PVT1: variants seen among roughly 807,000 people sequenced by gnomAD.
The protein encoded by PVT1 is Pvt1 oncogene, also known as CXCR4/PVT1 fusion.
rs1817286904 is a variant in PVT1 at position 128,009,337 on chromosome 8, CA to C, written n.912+20052del. Among the ~76,000 whole-genome samples the C allele has an allele frequency of 2.6e-5, 4 of 152,178 alleles. No individual in the cohort carries two copies. In the South Asian group the frequency reaches 8.3e-4, roughly 32 times the overall value. ...TATCTCTTGTTTAAAATATTTGCTACAAAAAAGTCCTATTCTATATGTCCTG... is the reference window on the plus strand; with the variant it reads ...TATCTCTTGTTTAAAATATTTGCTACAAAAAGTCCTATTCTATATGTCCTG... On this transcript the variant is annotated intron_variant and non_coding_transcript_variant, in intron 4 of 10. Coordinates refer to ENST00000651587, the Ensembl canonical transcript of PVT1.
chr8:128,020,451 G>A (rs1167603359), intron 4 of PVT1, among the ~76,000 whole-genome samples: 1 of 152,192 alleles, frequency 6.6e-6, no homozygotes, highest in Admixed American at 6.5e-5. Flanking sequence ...TGCCACTGCT[G>A]GCTCTGAAAT....
intron 4 of PVT1, among the ~76,000 whole-genome samples, chr8:127,997,216 T>G (rs1817117472): frequency 6.6e-6 from 1 of 152,024 alleles, no homozygotes; most frequent in Admixed American, 6.6e-5. Context: ...TAATTTTGTA[T>G]TTTTAGTAGT....
intron 4 of PVT1, among the ~76,000 whole-genome samples, chr8:128,016,036 G>C (rs1364587409): frequency 6.6e-6 from 1 of 152,152 alleles, no homozygotes; most frequent in East Asian, 1.9e-4. Flanking sequence ...GATGGTCTTT[G>C]GGAAGCCAAG....
chr8:127,854,909 G>A (rs1815145498), intron 2 of PVT1: 1 of 360,582 alleles, frequency 2.8e-6, no homozygotes, highest in Non-Finnish European at 4.9e-6. Context: ...CTGAGGTTGT[G>A]AATTCTTGTC....
chr8:128,083,511 G>A (rs981144923), intron 5 of PVT1, among the ~76,000 whole-genome samples: 9 of 152,186 alleles, frequency 5.9e-5, no homozygotes, highest in African/African-American at 1.7e-4. Flanking sequence ...CTTAGAGAAC[G>A]TTGGCTTGCA....
At chr8:127,821,592 C>G (rs1410744013) in intron 2 of PVT1, among the ~76,000 whole-genome samples, 1 of 151,866 alleles carries the variant, frequency 6.6e-6, no homozygotes, top group African/African-American at 2.4e-5. Context: ...GGGCTGATCA[C>G]GAGGTCAGAA....
intron 2 of PVT1, among the ~76,000 whole-genome samples, chr8:127,821,172 C>T (rs909974307): frequency 2.0e-5 from 3 of 152,118 alleles, no homozygotes; most frequent in Non-Finnish European, 4.4e-5. Flanking sequence ...AGATCAAGCC[C>T]GTCCGCATTT....
chr8:127,935,443 G>A (rs13269522), intron 3 of PVT1, among the ~76,000 whole-genome samples: 43,786 of 152,014 alleles, frequency 0.29, 6,941 homozygotes, highest in East Asian at 0.5. Context: ...GTGTGTGTGT[G>A]TGTGTCTTTT....
At chr8:128,094,847 C>A (rs539774768) in intron 5 of PVT1, among the ~76,000 whole-genome samples, 3 of 152,334 alleles carry the variant, frequency 2.0e-5, no homozygotes, top group Non-Finnish European at 4.4e-5. Flanking sequence ...TTTGTCATCT[C>A]CACCTTCCTG....
chr8:128,040,794 TTGAG>T (rs1328167505), intron 4 of PVT1, among the ~76,000 whole-genome samples: 1 of 151,578 alleles, frequency 6.6e-6, no homozygotes, highest in Admixed American at 6.6e-5. Flanking sequence ...GTGCTTGTGT[TTGAG>T]TGCTTCTGTG....
At chr8:127,876,297 C>T (rs185269755) in intron 2 of PVT1, among the ~76,000 whole-genome samples, 6 of 152,046 alleles carry the variant, frequency 3.9e-5, no homozygotes, top group Admixed American at 3.3e-4. Flanking sequence ...TGTGGTTTCA[C>T]ACTTGGTTTG....
At chr8:127,927,243 A>C (rs1816141154) in intron 3 of PVT1, among the ~76,000 whole-genome samples, 1 of 152,220 alleles carries the variant, frequency 6.6e-6, no homozygotes, top group African/African-American at 2.4e-5. Flanking sequence ...GATGTGGTGC[A>C]GTGACTAGCA....
In PVT1 at chr8:128,004,948, C is replaced by T. The variant is rs560913970; in HGVS notation, n.912+15657C>T. Among the ~76,000 whole-genome samples the T allele has an allele frequency of 7.9e-5, 12 of 152,222 alleles. No individual in the cohort carries two copies. The South Asian group carries it at 1.5e-3, about 18-fold the overall frequency. On this transcript the variant is annotated intron_variant and non_coding_transcript_variant, in intron 4 of 10. Coordinates refer to ENST00000651587, the Ensembl canonical transcript of PVT1. ...TTGAGGTTGGGAGTTCAAGACCAAC[C>T]TGACTAACATGGAGAAACCCCGTCT... is the stretch of plus-strand genomic sequence containing the variant.
chr8:127,947,010 T>C (rs1225026743), intron 3 of PVT1: 2 of 152,152 alleles, frequency 1.3e-5, no homozygotes, highest in East Asian at 1.9e-4. Context: ...TGCAGACTTG[T>C]TGTTTTCATA....
chr8:127,820,621 A>G (rs1814717190), intron 2 of PVT1, among the ~76,000 whole-genome samples: 1 of 152,122 alleles, frequency 6.6e-6, no homozygotes. Flanking sequence ...GTTACTGGTC[A>G]GGCAGGGAAG....
intron 4 of PVT1, among the ~76,000 whole-genome samples, chr8:128,017,704 T>C (rs1817389654): frequency 6.6e-6 from 1 of 152,168 alleles, no homozygotes; most frequent in Non-Finnish European, 1.5e-5. Context: ...CCCAAAGTGC[T>C]GGAATTATAG....
At chr8:127,817,925 TA>T in intron 2 of PVT1, among the ~76,000 whole-genome samples, 1 of 152,172 alleles carries the variant, frequency 6.6e-6, no homozygotes, top group East Asian at 1.9e-4. Flanking sequence ...CTGGAAATAA[TA>T]AACACAGAGT....
At position 127,970,863 on chromosome 8, in the gene PVT1, T is replaced by TTATGA. The variant is rs572617177; in HGVS notation, n.783-18298_783-18294dup. Among the ~76,000 whole-genome samples the TTATGA allele has an allele frequency of 1.6e-4, 25 of 152,316 alleles. No individual in the cohort carries two copies. The East Asian group carries it at 4.2e-3, about 26-fold the overall frequency. On this transcript the variant is annotated intron_variant and non_coding_transcript_variant, in intron 3 of 10. Coordinates refer to ENST00000651587, the Ensembl canonical transcript of PVT1. The stretch of plus-strand genomic sequence containing the variant: ...CAAAAGAAAATGAAAACAGAGCAGG[T>TTATGA]TATGACTCAGCTAACTGATGTCATG...
At chr8:127,851,458 A>G (rs1453887352) in intron 2 of PVT1, among the ~76,000 whole-genome samples, 2 of 152,138 alleles carry the variant, frequency 1.3e-5, no homozygotes, top group African/African-American at 4.8e-5. Flanking sequence ...CCCTGAGGAT[A>G]ATAGTGTGGG....
Sources: gnomAD v4.1 joint callset for allele counts (sites outside exome capture counted in the v4.1 genomes callset) on GRCh38, gnomAD v4.1.1 for gene constraint, MANE v1.5 for transcripts, NCBI Gene and HGNC (gene_info 2026-07-23, HGNC 2026-07-21) for gene names.